Variants in PSPC1 observed in about 807,000 individuals in gnomAD.
The protein encoded by PSPC1 is paraspeckle component 1, also known as paraspeckle protein 1.
A neutral mutation model predicts 51.6 loss-of-function variants in PSPC1; 14 were observed. The ratio of observed to expected loss-of-function variants is 0.27; its 90% CI spans 0.18 to 0.42. The LOEUF (loss-of-function observed/expected upper bound fraction) is 0.42, where lower values mean the gene tolerates loss of function less well. PSPC1 is among the 10% of genes least tolerant of loss of function. PSPC1 has a pLI of 1.00. For missense variants in PSPC1, 406 were observed against 701.1 expected (o/e 0.58, Z 4.75); for synonymous variants, 193 against 231.9 (o/e 0.83, Z 1.53).
intron 1 of PSPC1, among the ~76,000 whole-genome samples, chr13:19,774,634 C>G (rs995639265): frequency 6.6e-6 from 1 of 150,638 alleles, no homozygotes; most frequent in African/African-American, 2.4e-5. Context: ...AAAACCTAGT[C>G]TCTATCAAAA....
intron 4 of PSPC1, among the ~76,000 whole-genome samples, 188 bp downstream of exon 4, chr13:19,751,083 T>C (rs369859828): frequency 1.3e-5 from 2 of 152,190 alleles, no homozygotes; most frequent in South Asian, 4.2e-4. Context: ...AAACTAACTT[T>C]TAGTAAGTTG....
intron 4 of PSPC1, among the ~76,000 whole-genome samples, chr13:19,747,676 C>CCCATT (rs1360435655): frequency 6.6e-6 from 1 of 152,092 alleles, no homozygotes; most frequent in African/African-American, 2.4e-5. Flanking sequence ...CTTACAAATA[C>CCCATT]ACAAAAACAT....
At chr13:19,758,559 G>A (rs1887313328) in intron 3 of PSPC1, among the ~76,000 whole-genome samples, 2 of 152,014 alleles carry the variant, frequency 1.3e-5, no homozygotes, top group South Asian at 4.1e-4. Flanking sequence ...CCAGCTGGGC[G>A]TGGTGGCTCA....
intron 5 of PSPC1, among the ~76,000 whole-genome samples, chr13:19,730,949 A>AAAAC (rs1566002117): frequency 1.3e-4 from 4 of 29,852 alleles, no homozygotes; most frequent in Non-Finnish European, 7.2e-4. Context: ...TGTCTCAGAA[A>AAAAC]AAAAAAACAA....
chr13:19,733,046 T>C (rs184813636), intron 5 of PSPC1, among the ~76,000 whole-genome samples: 9 of 152,156 alleles, frequency 5.9e-5, no homozygotes. Flanking sequence ...TTCTACCACA[T>C]AATTTTAAAT....
At position 19,703,012 on chromosome 13, in the gene PSPC1, C is replaced by A; in HGVS notation, c.*163G>T. 1 of 514,710 alleles carries A rather than the reference C, an allele frequency of 1.9e-6. No homozygotes were observed. The highest frequency in any genetic ancestry group is 2.0e-5 in the African/African-American group (1 of 49,632). The allele number at this position is 514,710 out of a possible 1,614,324, so 31.9% of individuals were successfully genotyped here. On this transcript the variant is annotated 3_prime_UTR_variant, in exon 9 of 9. Coordinates refer to ENST00000338910, the MANE Select transcript of PSPC1 (RefSeq NM_001354909.2). ...CATTACCATTCTAATCTACAAAGCT[C>A]ATGAATAAAGAAAAATACAAAAACC...
At chr13:19,674,562 C>T (rs1876423326), downstream of PSPC1, 1 of 152,198 alleles carries the variant, frequency 6.6e-6, no homozygotes, top group South Asian at 2.1e-4. Flanking sequence ...TGAGAATATA[C>T]TAGTGCTGGC....
intron 2 of PSPC1, among the ~76,000 whole-genome samples, chr13:19,770,162 G>T (rs971884734): frequency 1.3e-5 from 2 of 152,106 alleles, no homozygotes; most frequent in Non-Finnish European, 2.9e-5. Flanking sequence ...AGCAAGAGAA[G>T]CCAGACACAG....
intron 6 of PSPC1, among the ~76,000 whole-genome samples, chr13:19,692,185 G>A (rs1023122297): frequency 2.0e-5 from 3 of 152,154 alleles, no homozygotes; most frequent in Non-Finnish European, 4.4e-5. Context: ...GTGCAGTGGT[G>A]TGATCTCAGC....
chr13:19,730,168 T>G, intron 6 of PSPC1, 71 bp downstream of exon 6: 1 of 1,322,242 alleles, frequency 7.6e-7, no homozygotes, highest in Non-Finnish European at 1.1e-6. Flanking sequence ...AACCAAAATC[T>G]AAAGCATTCT....
chr13:19,707,471 TTGA>T (rs770534781), intron 7 of PSPC1, among the ~76,000 whole-genome samples: 5 of 152,340 alleles, frequency 3.3e-5, no homozygotes, highest in African/African-American at 4.8e-5. Context: ...TCAATGTAAC[TTGA>T]TGAGTTATGA....
intron 5 of PSPC1, among the ~76,000 whole-genome samples, chr13:19,740,775 C>A (rs1261163245): frequency 6.6e-6 from 1 of 152,140 alleles, no homozygotes; most frequent in Non-Finnish European, 1.5e-5. Flanking sequence ...AACATCCTTA[C>A]TTAAACCTAA....
chr13:19,695,057 G>C (rs1049306752), intron 6 of PSPC1, among the ~76,000 whole-genome samples: 3 of 152,196 alleles, frequency 2.0e-5, no homozygotes, highest in Non-Finnish European at 4.4e-5. Flanking sequence ...ATGTAACTAA[G>C]AGGGTTTCAA....
chr13:19,725,648 TAGGC>T (rs1883287693), intron 6 of PSPC1, among the ~76,000 whole-genome samples: 1 of 152,070 alleles, frequency 6.6e-6, no homozygotes, highest in Non-Finnish European at 1.5e-5. Flanking sequence ...GTTACAAAAA[TAGGC>T]AGCATGTGAA....
At chr13:19,688,206 T>C (rs1878149807) in intron 6 of PSPC1, among the ~76,000 whole-genome samples, 1 of 152,132 alleles carries the variant, frequency 6.6e-6, no homozygotes, top group African/African-American at 2.4e-5. Flanking sequence ...TTTGCCGAAC[T>C]CCCTGTAACA....
intron 6 of PSPC1, among the ~76,000 whole-genome samples, chr13:19,688,330 ACCT>A: frequency 6.6e-6 from 1 of 152,056 alleles, no homozygotes; most frequent in East Asian, 1.9e-4. Context: ...ATACTAGATA[ACCT>A]CCTGTCACAC....
At chr13:19,694,656 A>G (rs1878995103) in intron 6 of PSPC1, among the ~76,000 whole-genome samples, 1 of 152,320 alleles carries the variant, frequency 6.6e-6, no homozygotes, top group East Asian at 1.9e-4. Context: ...ATATTCTATC[A>G]ATAACTGAAT....
intron 1 of PSPC1, among the ~76,000 whole-genome samples, chr13:19,776,775 G>A (rs1889174656): frequency 6.6e-6 from 1 of 151,192 alleles, no homozygotes; most frequent in African/African-American, 2.4e-5. Context: ...CCAAAGTTCT[G>A]GGATTACAGG....
intron 6 of PSPC1, among the ~76,000 whole-genome samples, chr13:19,680,307 G>A (rs1012729010): frequency 3.3e-5 from 5 of 152,120 alleles, no homozygotes; most frequent in African/African-American, 1.2e-4. Flanking sequence ...GAGCCACCAT[G>A]CCCGGCCCAA....
Sources: gnomAD v4.1 joint callset for allele counts (sites outside exome capture counted in the v4.1 genomes callset) on GRCh38, gnomAD v4.1.1 for gene constraint, MANE v1.5 for transcripts, NCBI Gene and HGNC (gene_info 2026-07-23, HGNC 2026-07-21) for gene names.